ADGB: variants seen among roughly 807,000 people sequenced by gnomAD.
ADGB encodes calpain-7-like protein.
In ADGB, 172 loss-of-function variants were observed where a neutral mutation model predicts 210.5. That is an observed-to-expected ratio of 0.82 (90% CI 0.72 to 0.93). The LOEUF is 0.93. Among genes scored for constraint, ADGB ranks in the 40% least tolerant of loss-of-function variants. The pLI is 0.00. For synonymous variants in ADGB, 658 were observed against 662.7 expected, an observed-to-expected ratio of 0.99 and a Z score of 0.11; for missense variants, 2,025 against 1,964.8, an observed-to-expected ratio of 1.03 and a Z score of -0.58.
At chr6:146,614,021 C>T (rs1780749455) in intron 1 of ADGB, among the ~76,000 whole-genome samples, 1 of 151,846 alleles carries the variant, frequency 6.6e-6, no homozygotes, top group South Asian at 2.1e-4. Flanking sequence ...GTAGACAAAA[C>T]AAACTTTATT....
At chr6:146,657,119 G>A in intron 5 of ADGB, 139 bp downstream of exon 5, 3 of 736,636 alleles carry the variant, frequency 4.1e-6, no homozygotes, top group Non-Finnish European at 6.4e-6. Context: ...GAGATCAGGA[G>A]TTCGCAACCA....
intron 27 of ADGB, among the ~76,000 whole-genome samples, chr6:146,754,001 T>C (rs1777364297): frequency 6.6e-6 from 1 of 151,494 alleles, no homozygotes; most frequent in African/African-American, 2.4e-5. Flanking sequence ...AAAAATTTAT[T>C]ATATTTGTCC....
intron 1 of ADGB, among the ~76,000 whole-genome samples, chr6:146,618,986 A>C (rs760276360): frequency 6.7e-6 from 1 of 149,562 alleles, no homozygotes; most frequent in Admixed American, 6.7e-5. Flanking sequence ...ATTGCTGTCC[A>C]TTTCTCCCTC....
At chr6:146,758,931 A>T (rs1777448558) in intron 27 of ADGB, among the ~76,000 whole-genome samples, 1 of 151,980 alleles carries the variant, frequency 6.6e-6, no homozygotes, top group Admixed American at 6.6e-5. Flanking sequence ...TAATTTCTTC[A>T]TTTAGACTTC....
In ADGB at chr6:146,733,105, A is replaced by AATGTAC. The variant is rs146394886; in HGVS notation, c.2521-15_2521-14insATGTAC. ...ATGGTATTTTCTTGCTATAAAAAAA[A>AATGTAC]TTTATGTGTTTCAGGTTTTTCATCT... On this transcript the variant is annotated splice_polypyrimidine_tract_variant and intron_variant, in intron 20 of 35. Coordinates refer to ENST00000397944, the MANE Select transcript of ADGB (RefSeq NM_024694.4). The AATGTAC allele has an allele frequency of 7.8e-4, 1,128 of 1,441,114 alleles. 10 individuals carry two copies. In the East Asian group the frequency reaches 0.014, roughly 18 times the overall value. 89.3% of individuals were successfully genotyped at this position (1,441,114 alleles called of 1,614,324 possible). A position where few individuals can be genotyped will look rare whatever the true frequency, so the allele number is the denominator to read the frequency against.
chr6:146,667,583 T>C lies in ADGB; in HGVS notation c.839+681T>C, dbSNP rs80005756. On this transcript the variant is annotated intron_variant, in intron 7 of 35. Transcript: ENST00000397944. Reference sequence around the variant, plus strand: ...GGCATGTGCAGGTCTCCCACACTTATATATATACTATGAATTTAATCTTTA... The same window carrying C: ...GGCATGTGCAGGTCTCCCACACTTACATATATACTATGAATTTAATCTTTA... Among the ~76,000 whole-genome samples the C allele has an allele frequency of 2.1e-3, 318 of 152,120 alleles. 6 individuals carry two copies. The East Asian group carries it at 0.034, about 16-fold the overall frequency.
rs1321407613 is a variant in ADGB, at chr6:146,660,323, T to C, written c.612+3343T>C. The stretch of plus-strand genomic sequence containing the variant: ...AATGGAAATGCTTTATTTCATTATA[T>C]GTAATATTATACATGCTTTTAAAAC... On this transcript the variant is annotated intron_variant, in intron 5 of 35. Coordinates refer to ENST00000397944, the MANE Select transcript of ADGB (RefSeq NM_024694.4). 2.6e-5 allele frequency among the ~76,000 whole-genome samples: 4 copies of C among 152,206 alleles called. No homozygotes were observed. The East Asian group carries it at 7.7e-4, about 29-fold the overall frequency.
intron 28 of ADGB, among the ~76,000 whole-genome samples, chr6:146,764,935 G>A (rs1414998837): frequency 6.6e-6 from 1 of 152,026 alleles, no homozygotes; most frequent in East Asian, 1.9e-4. Flanking sequence ...GAGTAACTGG[G>A]ATTTCAGGTG....
chr6:146,630,419 T>C (rs536259249), intron 1 of ADGB, among the ~76,000 whole-genome samples: 1 of 151,502 alleles, frequency 6.6e-6, no homozygotes, highest in South Asian at 2.1e-4. Context: ...CTTATAAATA[T>C]GTATATAAAG....
At chr6:146,706,700 T>C (rs1776573938) in intron 13 of ADGB, among the ~76,000 whole-genome samples, 1 of 152,116 alleles carries the variant, frequency 6.6e-6, no homozygotes, top group Non-Finnish European at 1.5e-5. Flanking sequence ...CATAGTAGAT[T>C]CTTAGGATTC....
chr6:146,672,582 G>A (rs1465065256), intron 8 of ADGB, 115 bp downstream of exon 8: 2 of 1,247,016 alleles, frequency 1.6e-6, no homozygotes, highest in Non-Finnish European at 2.1e-6. Context: ...CCAAGAGAGG[G>A]TTCTTGGATC....
intron 25 of ADGB, among the ~76,000 whole-genome samples, chr6:146,741,807 A>G (rs1023500629): frequency 4.6e-5 from 7 of 152,072 alleles, no homozygotes; most frequent in African/African-American, 1.7e-4. Flanking sequence ...CTCAAACCAC[A>G]TTGCTTCTCT....
Position 146,656,874 on chromosome 6 carries a change from T to G in ADGB, c.506T>G (p.Leu169Arg). ...FKGTSGEPPL[L>R]PWKPWEHIYS... Reference sequence around the variant, plus strand: ...GGGACTTCAGGGGAACCTCCTCTTCTCCCCTGGAAGCCCTGGGAACACATA... The same window carrying G: ...GGGACTTCAGGGGAACCTCCTCTTCGCCCCTGGAAGCCCTGGGAACACATA... The change falls in exon 5 of 36, where the codon CTC becomes CGC. Residue 169 changes from leucine (L) to arginine (R), a missense_variant. Physicochemically the swap from Leu to Arg is moderately radical, Grantham distance 102. Coordinates refer to ENST00000397944, the MANE Select transcript of ADGB (RefSeq NM_024694.4). 1 of 1,551,572 alleles carries G rather than the reference T, an allele frequency of 6.4e-7. No individual in the cohort carries two copies. Among genetic ancestry groups the G allele is most frequent in the South Asian group, 1.2e-5 (1 of 84,018 alleles).
chr6:146,609,740 A>T (rs1308942412), intron 1 of ADGB, among the ~76,000 whole-genome samples: 1 of 152,174 alleles, frequency 6.6e-6, no homozygotes, highest in Non-Finnish European at 1.5e-5. Flanking sequence ...CTTCGTTGGA[A>T]TTCCTTTACT....
intron 35 of ADGB, among the ~76,000 whole-genome samples, chr6:146,806,111 G>C (rs995009807): frequency 2.0e-5 from 3 of 152,158 alleles, no homozygotes; most frequent in African/African-American, 7.2e-5. Context: ...GATTAGATTA[G>C]AAAACAAAAG....
intron 13 of ADGB, among the ~76,000 whole-genome samples, chr6:146,703,656 T>C (rs529592005): frequency 6.6e-6 from 1 of 152,104 alleles, no homozygotes; most frequent in African/African-American, 2.4e-5. Flanking sequence ...AAAGGCTGAA[T>C]AGTATTCTAT....
chr6:146,701,607 C>A (rs1776491016), intron 13 of ADGB, among the ~76,000 whole-genome samples: 1 of 151,930 alleles, frequency 6.6e-6, no homozygotes, highest in Non-Finnish European at 1.5e-5. Flanking sequence ...ACAAGAGTTT[C>A]TTTAGTTTCA....
Position 146,741,114 on chromosome 6 carries a change from A to G in ADGB, c.3024-4A>G. On this transcript the variant is annotated splice_polypyrimidine_tract_variant and splice_region_variant and intron_variant, in intron 24 of 35. Transcript: ENST00000397944. ...AGGGAAAGTTCATGCTTTTGTAATT[A>G]CAGAGAAACATTTTTGGTTCATCAA... 1 of 1,510,158 alleles carries G rather than the reference A, an allele frequency of 6.6e-7. No homozygotes were observed. Among genetic ancestry groups the G allele is most frequent in the Non-Finnish European group, 8.9e-7 (1 of 1,128,900 alleles). 93.5% of individuals were successfully genotyped at this position (1,510,158 alleles called of 1,614,324 possible). A position where few individuals can be genotyped will look rare whatever the true frequency, so the allele number is the denominator to read the frequency against.
At chr6:146,737,110 C>G (rs572490788) in intron 23 of ADGB, among the ~76,000 whole-genome samples, 59 of 151,802 alleles carry the variant, frequency 3.9e-4, no homozygotes, top group African/African-American at 1.4e-3. Context: ...ATATGTGGAA[C>G]CATACCCTCT....
Sources: allele counts gnomAD v4.1 joint callset (sites outside exome capture counted in the v4.1 genomes callset), GRCh38; gene constraint gnomAD v4.1.1; transcripts MANE v1.5; gene names NCBI Gene and HGNC (gene_info 2026-07-23, HGNC 2026-07-21).